KDM4C: variants seen among roughly 807,000 people sequenced by gnomAD.
KDM4C encodes lysine demethylase 4C.
A neutral mutation model predicts 129.3 loss-of-function variants in KDM4C; 81 were observed. The ratio of observed to expected loss-of-function variants is 0.63; its 90% CI spans 0.52 to 0.75. The LOEUF is 0.75. Among genes scored for constraint, KDM4C ranks in the 30% least tolerant of loss-of-function variants. The probability of loss-of-function intolerance (pLI) is 0.00; values close to 1 mark genes in which losing one functional copy is unlikely to be tolerated. For missense variants in KDM4C, 1,457 were observed against 1,304.0 expected, an observed-to-expected ratio of 1.12 and a Z score of -1.81; for synonymous variants, 573 against 456.1, an observed-to-expected ratio of 1.26 and a Z score of -3.26.
chr9:6,815,246 G>A (rs1301297317), intron 4 of KDM4C: 1 of 151,794 alleles, frequency 6.6e-6, no homozygotes, highest in East Asian at 1.9e-4. Flanking sequence ...TTTAATGGTG[G>A]CGTAATTCAT....
intron 5 of KDM4C, among the ~76,000 whole-genome samples, chr9:6,865,940 A>C (rs895787531): frequency 1.3e-5 from 2 of 151,948 alleles, no homozygotes; most frequent in African/African-American, 4.8e-5. Flanking sequence ...TTTTTAGTAG[A>C]GACAGGGTTT....
At chr9:7,019,589 G>A (rs527414008) in intron 15 of KDM4C, among the ~76,000 whole-genome samples, 50 of 150,836 alleles carry the variant, frequency 3.3e-4, no homozygotes, top group Non-Finnish European at 6.6e-4. Flanking sequence ...CATGGTAAGT[G>A]CTTTTCAACG....
chr9:6,741,732 T>G (rs1817704810), intron 1 of KDM4C, among the ~76,000 whole-genome samples: 1 of 151,106 alleles, frequency 6.6e-6, no homozygotes, highest in African/African-American at 2.4e-5. Flanking sequence ...ACTTTTTTTT[T>G]TTACTTTTTA....
chr9:6,914,335 A>G (rs1180296642), intron 8 of KDM4C, among the ~76,000 whole-genome samples: 1 of 152,176 alleles, frequency 6.6e-6, no homozygotes, highest in Admixed American at 6.5e-5. Context: ...CTGGGATTAC[A>G]GGCTGGGCTT....
chr9:6,930,389 A>G (rs1366305255), intron 8 of KDM4C, among the ~76,000 whole-genome samples: 1 of 152,080 alleles, frequency 6.6e-6, no homozygotes, highest in East Asian at 1.9e-4. Context: ...CACCTAATAC[A>G]GTGAATATGT....
At chr9:7,007,488 T>G (rs1165662458) in intron 12 of KDM4C, among the ~76,000 whole-genome samples, 1 of 152,220 alleles carries the variant, frequency 6.6e-6, no homozygotes, top group Non-Finnish European at 1.5e-5. Flanking sequence ...TGTTGACTCT[T>G]GTTTTCTTTT....
At position 6,978,079 on chromosome 9, in the gene KDM4C, C is replaced by G. The variant is rs186328582; in HGVS notation, c.922-2846C>G. On this transcript the variant is annotated intron_variant, in intron 8 of 21. Coordinates refer to ENST00000381309, the MANE Select transcript of KDM4C (RefSeq NM_015061.6). ...ATCTAGCATTTTCAGCAACATTCTA[C>G]AAGAACAAAAAGTTTAATTCTATTG... Among the ~76,000 whole-genome samples the G allele has an allele frequency of 1.6e-3, 243 of 152,280 alleles. 2 individuals are homozygous for G. Among genetic ancestry groups the G allele is most frequent in the African/African-American group, 5.7e-3 (237 of 41,570 alleles).
intron 18 of KDM4C, among the ~76,000 whole-genome samples, chr9:7,126,604 A>G (rs575519440): frequency 6.6e-6 from 1 of 152,222 alleles, no homozygotes; most frequent in Non-Finnish European, 1.5e-5. Flanking sequence ...GCAAATTGAT[A>G]TACGCATGTG....
chr9:7,065,529 C>A (rs1021406148), intron 17 of KDM4C, among the ~76,000 whole-genome samples: 2 of 152,018 alleles, frequency 1.3e-5, no homozygotes, highest in African/African-American at 4.8e-5. Flanking sequence ...TACTAAATAG[C>A]AGACATATTT....
chr9:7,029,128 G>A (rs577065700), intron 15 of KDM4C, among the ~76,000 whole-genome samples: 5 of 152,204 alleles, frequency 3.3e-5, no homozygotes, highest in African/African-American at 1.2e-4. Flanking sequence ...GTTCTGCCCT[G>A]TCTCCAAAAT....
chr9:6,825,448 G>A (rs1833733041), intron 4 of KDM4C, among the ~76,000 whole-genome samples: 1 of 152,180 alleles, frequency 6.6e-6, no homozygotes, highest in Non-Finnish European at 1.5e-5. Flanking sequence ...CTTAGGGCAA[G>A]GTAACTGTGT....
Position 6,998,989 on chromosome 9 carries a change from C to T in KDM4C, c.1786+8465C>T, listed in dbSNP as rs1820283506. 1.3e-5 allele frequency among the ~76,000 whole-genome samples: 2 copies of T among 152,164 alleles called. 1 individual carries two copies. Among genetic ancestry groups the T allele is most frequent in the Admixed American group, 1.3e-4 (2 of 15,268 alleles). On this transcript the variant is annotated intron_variant, in intron 12 of 21. Coordinates refer to ENST00000381309, the MANE Select transcript of KDM4C (RefSeq NM_015061.6). ...CGTGGTATTTTCTGAGTACTTCACC[C>T]CGTGTCTTGTAGTCATTGTCCTGCT...
chr9:6,892,494 A>C (rs1331470585), intron 7 of KDM4C, among the ~76,000 whole-genome samples: 1 of 152,154 alleles, frequency 6.6e-6, no homozygotes, highest in East Asian at 1.9e-4. Context: ...GAGTTATTTT[A>C]ATTATACTTA....
At chr9:6,881,794 G>T (rs1044282178) in intron 6 of KDM4C, among the ~76,000 whole-genome samples, 1 of 152,152 alleles carries the variant, frequency 6.6e-6, no homozygotes, top group Non-Finnish European at 1.5e-5. Flanking sequence ...AAAAGACCCT[G>T]CAAGATAGTG....
intron 17 of KDM4C, among the ~76,000 whole-genome samples, chr9:7,072,458 A>G (rs956100208): frequency 1.3e-5 from 2 of 152,244 alleles, no homozygotes; most frequent in Non-Finnish European, 2.9e-5. Flanking sequence ...GGAACAAACT[A>G]GAGATTTCAT....
chr9:6,988,530 C>T (rs1371926970), intron 11 of KDM4C, among the ~76,000 whole-genome samples: 1 of 152,050 alleles, frequency 6.6e-6, no homozygotes, highest in African/African-American at 2.4e-5. Context: ...AGATGTAATA[C>T]AGCCCCACTT....
chr9:6,893,688 C>G (rs1328225608), intron 8 of KDM4C: 1 of 152,378 alleles, frequency 6.6e-6, no homozygotes, highest in Non-Finnish European at 1.5e-5. Flanking sequence ...TAAAACTGCC[C>G]TTAGTGCAGA....
chr9:6,721,737 T>C (rs1237331785), intron 1 of KDM4C, among the ~76,000 whole-genome samples: 1 of 151,912 alleles, frequency 6.6e-6, no homozygotes, highest in Non-Finnish European at 1.5e-5. Flanking sequence ...TACAGGTGCC[T>C]GCCGCCACGC....
intron 13 of KDM4C, 23 bp from the exon 14 acceptor site, chr9:7,013,763 CAT>C (rs752280540): frequency 1.8e-5 from 29 of 1,605,912 alleles, no homozygotes; most frequent in Non-Finnish European, 2.1e-5. Context: ...GTTTTTCACT[CAT>C]GTGGAAACGT....
Sources: gnomAD v4.1 joint callset for allele counts (sites outside exome capture counted in the v4.1 genomes callset) on GRCh38, gnomAD v4.1.1 for gene constraint, MANE v1.5 for transcripts, NCBI Gene and HGNC (gene_info 2026-07-23, HGNC 2026-07-21) for gene names.